Variants in MTMR8 observed in about 807,000 individuals in gnomAD.
The protein encoded by MTMR8 is phosphatidylinositol-3,5-bisphosphate 3-phosphatase MTMR8.
MTMR8 carries 65 observed loss-of-function variants against 39.3 expected under a neutral mutation model. The ratio of observed to expected loss-of-function variants is 1.65; its 90% CI spans 1.35 to 2.03. The LOEUF is 2.03. Ranked by LOEUF, MTMR8 falls within the 30% of genes most tolerant of loss-of-function variation. The pLI, the probability that MTMR8 is intolerant of heterozygous loss-of-function variation, is 0.00. For missense variants in MTMR8, 777 were observed against 538.9 expected (o/e 1.44, Z -4.37); for synonymous variants, 245 against 185.2 (o/e 1.32, Z -2.62).
intron 8 of MTMR8, 79 bp downstream of exon 8, chrX:64,343,532 C>A: frequency 1.7e-6 from 1 of 594,331 alleles, no homozygotes; most frequent in South Asian, 3.0e-5. Context: ...TTTCAATATT[C>A]TTTCCACCAT....
chrX:64,285,331 T>G (rs780115174), intron 12 of MTMR8, among the ~76,000 whole-genome samples: 90 of 111,177 alleles, frequency 8.1e-4, no homozygotes, highest in African/African-American at 2.8e-3. Flanking sequence ...AGCAAGTCCT[T>G]AGAGACCTAT....
intron 12 of MTMR8, among the ~76,000 whole-genome samples, chrX:64,277,316 G>A (rs1397955094): frequency 8.9e-6 from 1 of 112,025 alleles, no homozygotes; most frequent in Non-Finnish European, 1.9e-5. Flanking sequence ...TTGCCTGTCA[G>A]TTGATGCGAT....
chrX:64,331,296 C>T (rs965065212), intron 11 of MTMR8: 11 of 354,572 alleles, frequency 3.1e-5, no homozygotes, highest in African/African-American at 1.0e-4. Flanking sequence ...TTGCAAAGGC[C>T]TTGTACATCC....
chrX:64,296,613 G>T lies in MTMR8; in HGVS notation c.1482-25540C>A, dbSNP rs191102143. On this transcript the variant is annotated intron_variant, in intron 12 of 13. Transcript: ENST00000374852. The stretch of plus-strand genomic sequence containing the variant: ...TTTTAATTATACTTTAAGTTTTAGG[G>T]TACATGTGCACATTGTGCAGGTTAG... 5.7e-3 allele frequency among the ~76,000 whole-genome samples: 590 copies of T among 103,241 alleles called. 27 individuals carry two copies. In the Admixed American group the frequency reaches 0.058, roughly 10 times the overall value. The allele number at this position is 103,241 out of a possible 115,157, so 89.7% of individuals were successfully genotyped here.
chrX:64,353,757 C>T (rs1423483993), intron 4 of MTMR8, among the ~76,000 whole-genome samples: 1 of 110,251 alleles, frequency 9.1e-6, no homozygotes, highest in Non-Finnish European at 1.9e-5. Flanking sequence ...AGAATCCCAT[C>T]TCTACAAAAA....
At chrX:64,387,142 C>T (rs1924581015) in intron 1 of MTMR8, among the ~76,000 whole-genome samples, 5 of 111,685 alleles carry the variant, frequency 4.5e-5, no homozygotes, top group Admixed American at 1.9e-4. Flanking sequence ...GTCAATTGCA[C>T]AGGGCCTCAC....
intron 12 of MTMR8, among the ~76,000 whole-genome samples, chrX:64,299,755 G>A (rs1252679959): frequency 3.0e-5 from 3 of 100,726 alleles, no homozygotes; most frequent in East Asian, 3.1e-4. Context: ...CTTTGAATGC[G>A]TCCCAGAGAT....
chrX:64,301,524 G>A (rs1231668184), intron 12 of MTMR8, among the ~76,000 whole-genome samples: 198 of 110,329 alleles, frequency 1.8e-3, no homozygotes, highest in African/African-American at 6.2e-3. Context: ...TGGTTTGAAT[G>A]TCCTCCCGTA....
chrX:64,330,419 C>T (rs949589245), intron 11 of MTMR8, among the ~76,000 whole-genome samples: 2 of 111,212 alleles, frequency 1.8e-5, no homozygotes, highest in East Asian at 5.7e-4. Context: ...GACAGGAAAA[C>T]CAAATCACAG....
chrX:64,317,098 C>T (rs191387275), intron 12 of MTMR8, among the ~76,000 whole-genome samples: 23 of 91,651 alleles, frequency 2.5e-4, no homozygotes, highest in African/African-American at 9.0e-4. Flanking sequence ...GATGACAGAG[C>T]GAGACTGTGT....
intron 1 of MTMR8, among the ~76,000 whole-genome samples, chrX:64,383,816 A>G (rs1924493570): frequency 9.0e-6 from 1 of 111,243 alleles, no homozygotes; most frequent in African/African-American, 3.3e-5. Flanking sequence ...TGGTAGGGAC[A>G]GAACCAAACC....
chrX:64,391,667 G>C (rs958764973), intron 1 of MTMR8, among the ~76,000 whole-genome samples: 2 of 112,069 alleles, frequency 1.8e-5, no homozygotes, highest in African/African-American at 3.2e-5. Context: ...GCTAAATTAA[G>C]CATCTACCAT....
At chrX:64,276,218 C>T (rs892432173) in intron 12 of MTMR8, among the ~76,000 whole-genome samples, 3 of 110,659 alleles carry the variant, frequency 2.7e-5, no homozygotes, top group African/African-American at 9.9e-5. Context: ...CACTTCTGGT[C>T]TTCTGCTAGA....
At chrX:64,298,440 C>T (rs865800726) in intron 12 of MTMR8, among the ~76,000 whole-genome samples, 2 of 85,300 alleles carry the variant, frequency 2.3e-5, no homozygotes, top group African/African-American at 1.1e-4. Flanking sequence ...TATCCTGAGA[C>T]TTTGCTGAAG....
intron 12 of MTMR8, among the ~76,000 whole-genome samples, chrX:64,298,674 C>T (rs1439409794): frequency 4.3e-5 from 4 of 93,525 alleles, no homozygotes; most frequent in Non-Finnish European, 5.7e-5. Flanking sequence ...AAAGGGAATG[C>T]TTCCAGTTTT....
chrX:64,272,903 C>G (rs1931792026), intron 12 of MTMR8, among the ~76,000 whole-genome samples: 1 of 111,277 alleles, frequency 9.0e-6, no homozygotes, highest in Admixed American at 9.6e-5. Flanking sequence ...TGAAGGAAAA[C>G]TAAAACTATG....
intron 12 of MTMR8, among the ~76,000 whole-genome samples, chrX:64,322,967 C>T (rs1602131097): frequency 1.8e-5 from 2 of 112,897 alleles, no homozygotes; most frequent in East Asian, 2.8e-4. Flanking sequence ...ACAGTCAGCA[C>T]ACTCACCAGC....
chrX:64,297,573 C>G (rs1305812021), intron 12 of MTMR8, among the ~76,000 whole-genome samples: 11 of 89,382 alleles, frequency 1.2e-4, no homozygotes, highest in African/African-American at 3.7e-4. Flanking sequence ...TGTGCAGAAG[C>G]TCTTTAGTTT....
chrX:64,293,087 A>G (rs1049943740), intron 12 of MTMR8, among the ~76,000 whole-genome samples: 5 of 111,405 alleles, frequency 4.5e-5, no homozygotes, highest in African/African-American at 1.6e-4. Flanking sequence ...ATCAGGCAAC[A>G]GATGACCTGC....
Sources: gnomAD v4.1 joint callset for allele counts (sites outside exome capture counted in the v4.1 genomes callset) on GRCh38, gnomAD v4.1.1 for gene constraint, MANE v1.5 for transcripts, NCBI Gene and HGNC (gene_info 2026-07-23, HGNC 2026-07-21) for gene names.